Variants in MAP3K19 observed in about 807,000 individuals in gnomAD.
The protein encoded by MAP3K19 is SPS1/STE20-related protein kinase YSK4.
MAP3K19 carries 91 observed loss-of-function variants against 114.4 expected under a neutral mutation model. That is an observed-to-expected ratio of 0.80 (90% CI 0.67 to 0.95). The LOEUF (loss-of-function observed/expected upper bound fraction) is 0.95, where lower values mean the gene tolerates loss of function less well. MAP3K19 is among the 40% of genes least tolerant of loss of function. The pLI is 0.00. For missense variants in MAP3K19, 1,471 were observed against 1,573.2 expected (o/e 0.94, Z 1.10); for synonymous variants, 518 against 530.5 (o/e 0.98, Z 0.32).
chr2:134,974,163 G>A (rs1020219379), intron 12 of MAP3K19, among the ~76,000 whole-genome samples: 3 of 152,010 alleles, frequency 2.0e-5, no homozygotes, highest in African/African-American at 4.8e-5. Context: ...CACCACACCT[G>A]GGCAATTTTG....
chr2:134,993,709 A>C (rs1385786070), intron 8 of MAP3K19, among the ~76,000 whole-genome samples: 7 of 152,250 alleles, frequency 4.6e-5, no homozygotes, highest in African/African-American at 1.7e-4. Flanking sequence ...AGTATTGGTC[A>C]GGAATTATGT....
intron 10 of MAP3K19, 82 bp downstream of exon 10, chr2:134,985,718 C>T (rs1685044097): frequency 2.5e-6 from 3 of 1,212,100 alleles, no homozygotes; most frequent in South Asian, 1.6e-5. Context: ...TATAATTCCT[C>T]ATTTGAAAAT....
chr2:134,997,475 AATG>A (rs1204652643), intron 8 of MAP3K19, among the ~76,000 whole-genome samples: 2 of 152,196 alleles, frequency 1.3e-5, no homozygotes, highest in African/African-American at 4.8e-5. Context: ...TACACTTGAA[AATG>A]ATTAAAATGG....
At chr2:134,983,643 G>A in intron 11 of MAP3K19, 33 bp downstream of exon 11, 1 of 1,482,186 alleles carries the variant, frequency 6.7e-7, no homozygotes, top group East Asian at 2.4e-5. Context: ...GGGGGGTGGG[G>A]AGTGCTGATT....
At chr2:135,002,648 C>A (rs902656202) in intron 6 of MAP3K19, among the ~76,000 whole-genome samples, 3 of 150,408 alleles carry the variant, frequency 2.0e-5, no homozygotes, top group Admixed American at 6.6e-5. Flanking sequence ...CGGCTTCCTG[C>A]GCTGCTAGAT....
intron 12 of MAP3K19, among the ~76,000 whole-genome samples, chr2:134,979,049 T>C (rs1195343452): frequency 6.6e-6 from 1 of 152,224 alleles, no homozygotes; most frequent in African/African-American, 2.4e-5. Context: ...CCCTAGTCTA[T>C]GCCTGATTAT....
chr2:135,013,587 T>C (rs930695748), intron 5 of MAP3K19, among the ~76,000 whole-genome samples: 8 of 152,166 alleles, frequency 5.3e-5, no homozygotes, highest in African/African-American at 1.7e-4. Flanking sequence ...CTATTCATCC[T>C]TCCTTCCCCT....
At chr2:134,980,737 A>T in intron 12 of MAP3K19, 84 bp downstream of exon 12, 1 of 1,265,262 alleles carries the variant, frequency 7.9e-7, no homozygotes, top group Non-Finnish European at 1.1e-6. Flanking sequence ...CAGAGCTTTT[A>T]ATGGGCCATA....
At chr2:134,988,524 G>A (rs1685340706) in intron 9 of MAP3K19, among the ~76,000 whole-genome samples, 1 of 152,078 alleles carries the variant, frequency 6.6e-6, no homozygotes, top group East Asian at 1.9e-4. Flanking sequence ...CCAAGTAGCT[G>A]GGACTGCAGG....
intron 12 of MAP3K19, among the ~76,000 whole-genome samples, chr2:134,972,502 C>A (rs968403524): frequency 2.0e-5 from 3 of 152,042 alleles, no homozygotes; most frequent in African/African-American, 7.2e-5. Context: ...AAGGTCACCC[C>A]ATCTGGAATG....
rs971405928 is a variant in MAP3K19, at chr2:135,047,266, T to C, written c.-505A>G. On this transcript the variant is annotated 5_prime_UTR_variant, in exon 1 of 13. An upstream start codon of the reference 5' UTR is lost. Transcript: ENST00000392915. ...CAGTAGCCAACATCATCCTAATTCA[T>C]TGTGGCACTGATTTCTGGGACAGCT... 4 of 152,232 alleles carry C rather than the reference T, an allele frequency of 2.6e-5. No individual in the cohort carries two copies. The highest frequency in any genetic ancestry group is 9.6e-5 in the African/African-American group (4 of 41,460). The allele number at this position is 152,232 out of a possible 1,614,324, so 9.4% of individuals were successfully genotyped here.
intron 2 of MAP3K19, among the ~76,000 whole-genome samples, chr2:135,035,740 T>G (rs1295148183): frequency 6.6e-6 from 1 of 152,222 alleles, no homozygotes; most frequent in Non-Finnish European, 1.5e-5. Context: ...CTTTGCATGA[T>G]CCAGCCCCTG....
At chr2:134,992,307 A>G (rs1307553403) in intron 8 of MAP3K19, among the ~76,000 whole-genome samples, 2 of 152,172 alleles carry the variant, frequency 1.3e-5, no homozygotes. Context: ...GATCGACCAT[A>G]AACTCTGAAA....
At chr2:135,037,325 A>G (rs2104794915) in intron 2 of MAP3K19, among the ~76,000 whole-genome samples, 2 of 152,204 alleles carry the variant, frequency 1.3e-5, no homozygotes, top group East Asian at 3.9e-4. Context: ...GGTTTATGTG[A>G]TTTGTTCAGC....
intron 6 of MAP3K19, among the ~76,000 whole-genome samples, chr2:135,002,022 T>C (rs1329254363): frequency 6.6e-6 from 1 of 152,248 alleles, no homozygotes; most frequent in Non-Finnish European, 1.5e-5. Flanking sequence ...TTGTTCTGCC[T>C]CTTGAATACT....
intron 3 of MAP3K19, among the ~76,000 whole-genome samples, chr2:135,028,963 A>G (rs1386238752): frequency 6.6e-6 from 1 of 152,260 alleles, no homozygotes; most frequent in Admixed American, 6.5e-5. Flanking sequence ...AACTGAGAAT[A>G]GTCTTGCAAT....
chr2:134,987,299 C>G lies in MAP3K19; in HGVS notation c.1573G>C (p.Glu525Gln). ...GAATTCATCTTATGCTTGTCATTTT[C>G]TTGGTGTACAGGTATGTTGACACTA... is the stretch of plus-strand genomic sequence containing the variant. ...NHSVNIPVHQ[E>Q]NDKHKMNSHR... Residue 525 changes from glutamate to glutamine, a missense_variant, in exon 10 of 13, where the codon GAA becomes CAA. By Grantham distance (29) the Glu-to-Gln change is conservative. Transcript: ENST00000392915. 3 of 1,614,100 alleles carry G rather than the reference C, an allele frequency of 1.9e-6. No individual in the cohort carries two copies. Among genetic ancestry groups the G allele is most frequent in the Non-Finnish European group, 2.5e-6 (3 of 1,180,036 alleles).
At chr2:134,995,532 A>G (rs1685923012) in intron 8 of MAP3K19, among the ~76,000 whole-genome samples, 1 of 152,204 alleles carries the variant, frequency 6.6e-6, no homozygotes, top group Admixed American at 6.5e-5. Flanking sequence ...AGGAACCAAC[A>G]GATTGCCTGA....
At chr2:134,969,185 C>CA (rs200293354) in intron 12 of MAP3K19, among the ~76,000 whole-genome samples, 4 of 150,738 alleles carry the variant, frequency 2.7e-5, no homozygotes, top group Non-Finnish European at 4.4e-5. Context: ...CCGTCTCCAC[C>CA]AAAAAAAAAT....
Sources: gnomAD v4.1 joint callset for allele counts (sites outside exome capture counted in the v4.1 genomes callset) on GRCh38, gnomAD v4.1.1 for gene constraint, MANE v1.5 for transcripts, NCBI Gene and HGNC (gene_info 2026-07-23, HGNC 2026-07-21) for gene names.